The following AGT variants were observed in gnomAD, a reference collection of about 807,000 sequenced individuals.
AGT encodes the protein angiotensinogen, also known as alpha-1 antiproteinase, antitrypsin.
Under a neutral mutation model 28.1 loss-of-function variants are expected in AGT, and 26 were observed. The ratio of observed to expected loss-of-function variants is 0.92; its 90% CI spans 0.68 to 1.28. The LOEUF (loss-of-function observed/expected upper bound fraction) is 1.28. Ranked by LOEUF, AGT falls within the 50% of genes most tolerant of loss-of-function variation. The pLI is 0.00. For synonymous variants in AGT, 259 were observed against 259.6 expected (o/e 1.00, Z 0.02); for missense variants, 596 against 592.3 (o/e 1.01, Z -0.06).
intron 1 of AGT, among the ~76,000 whole-genome samples, chr1:230,723,044 G>A (rs1470064838): frequency 6.6e-6 from 1 of 152,206 alleles, no homozygotes; most frequent in Non-Finnish European, 1.5e-5. Context: ...CATGTGTCAA[G>A]AGAGGGAGGT....
In AGT at chr1:230,710,262, C is replaced by T. The variant is rs1663538812; in HGVS notation, c.562G>A (p.Ala188Thr). The change falls in exon 2 of 5, where the codon GCT becomes ACT. Residue 188 changes from alanine to threonine, a missense_variant. Ala to Thr is a moderately conservative substitution (Grantham distance 58). Transcript: ENST00000366667. ...VQGLLVAQGRADSQAQLLLST... is the reference protein window; with the variant it reads ...VQGLLVAQGRTDSQAQLLLST... ...AGCAGCAGCTGGGCCTGGCTATCAG[C>T]CCTGCCCTGGGCCACTAGCAGGCCC... The T allele has an allele frequency of 6.2e-7, 1 of 1,613,782 alleles. No homozygotes were observed. Among genetic ancestry groups the T allele is most frequent in the Non-Finnish European group, 8.5e-7 (1 of 1,180,012 alleles).
In AGT at chr1:230,706,022, G is replaced by A. The variant is rs748998364; in HGVS notation, c.1008C>T (p.Ile336=). 1 of 1,614,182 alleles carries A rather than the reference G, an allele frequency of 6.2e-7. No individual in the cohort carries two copies. Among genetic ancestry groups the A allele is most frequent in the Non-Finnish European group, 8.5e-7 (1 of 1,180,024 alleles). ...PFTESACLLL[I]QPHYASDLDK... ...CCAGGTCAGAGGCATAGTGAGGCTG[G>A]ATCAGCAGCAGGCAGGCGCTCTCAG... Residue 336 remains isoleucine (I), a synonymous_variant, in exon 3 of 5, where the codon ATC becomes ATT. Transcript: ENST00000366667.
chr1:230,709,997 T>A lies in AGT; in HGVS notation c.827A>T (p.Gln276Leu). The A allele has an allele frequency of 1.2e-6, 2 of 1,614,152 alleles. No homozygotes were observed. Among genetic ancestry groups the A allele is most frequent in the Non-Finnish European group, 1.7e-6 (2 of 1,180,018 alleles). ...TLAFNTYVHF[Q>L]GKMKGFSLLA... ...GCCAGCAGAGAGGTTTGCCTTACCTTGGAAGTGGACGTAGGTGTTGAAAGC... is the reference window on the plus strand; with the variant it reads ...GCCAGCAGAGAGGTTTGCCTTACCTAGGAAGTGGACGTAGGTGTTGAAAGC... Residue 276 changes from glutamine to leucine, a missense_variant and splice_region_variant, in exon 2 of 5, where the codon CAA becomes CTA. Physicochemically the swap from Gln to Leu is moderately radical, Grantham distance 113. Coordinates refer to ENST00000366667, the MANE Select transcript of AGT (RefSeq NM_001384479.1).
intron 1 of AGT, among the ~76,000 whole-genome samples, chr1:230,731,593 C>T (rs6680826): frequency 0.15 from 23,054 of 152,180 alleles, 2,331 homozygotes; most frequent in East Asian, 0.49. Context: ...TGGCCAGACA[C>T]GATGGCTCAC....
chr1:230,744,872 T>G (rs1005236666), intron 1 of AGT, among the ~76,000 whole-genome samples: 44 of 152,170 alleles, frequency 2.9e-4, no homozygotes, highest in African/African-American at 1.1e-3. Context: ...TCTCAGTTGC[T>G]GGGGCATTTG....
At chr1:230,727,900 A>G (rs1240898256) in intron 1 of AGT, among the ~76,000 whole-genome samples, 1 of 152,216 alleles carries the variant, frequency 6.6e-6, no homozygotes, top group African/African-American at 2.4e-5. Flanking sequence ...GGGGAGTTGC[A>G]ATAGAGAAAG....
intron 1 of AGT, among the ~76,000 whole-genome samples, chr1:230,723,008 C>T (rs1213594444): frequency 6.6e-6 from 1 of 151,904 alleles, no homozygotes; most frequent in Non-Finnish European, 1.5e-5. Flanking sequence ...TAATCCCCAC[C>T]TGTCAAGGGA....
rs1050506065 is a variant in AGT at position 230,702,922 on chromosome 1, T to A, written c.*219A>T. The A allele has an allele frequency of 1.7e-6, 1 of 585,310 alleles. No homozygotes were observed. Among genetic ancestry groups the A allele is most frequent in the African/African-American group, 1.9e-5 (1 of 53,576 alleles). The allele number at this position is 585,310 out of a possible 1,614,324, so 36.3% of individuals were successfully genotyped here. A position where few individuals can be genotyped will look rare whatever the true frequency, so the allele number is the denominator to read the frequency against. ...TAAACCCAGCAAACTGGGAGGTGCA[T>A]TTGTGCCGCTGCAGGCTTCTACTGC... On this transcript the variant is annotated 3_prime_UTR_variant, in exon 5 of 5. Transcript: ENST00000366667.
Position 230,711,764 on chromosome 1 carries a change from C to T in AGT, c.-30-911G>A, listed in dbSNP as rs186557637. Among the ~76,000 whole-genome samples, 503 of 151,440 alleles carry T rather than the reference C, an allele frequency of 3.3e-3. 2 individuals carry two copies. The highest frequency in any genetic ancestry group is 5.2e-3 in the Non-Finnish European group (356 of 67,936). On this transcript the variant is annotated intron_variant, in intron 1 of 4. Transcript: ENST00000366667. ...GAGCCCCAAAGGCATGCATACCTAG[C>T]ATGGCTTGCCCAATGATAGTTGGAT...
chr1:230,715,076 G>A (rs193138535), upstream of AGT, among the ~76,000 whole-genome samples: 11 of 152,154 alleles, frequency 7.2e-5, no homozygotes, highest in East Asian at 1.2e-3. Flanking sequence ...AAGGAGCCAC[G>A]GCATATCCAC....
At position 230,706,317 on chromosome 1, in the gene AGT, T is replaced by G. The variant is rs578046407; in HGVS notation, c.830-117A>C. ...CCTCGCCCTGCCTCAGCCTCCTTCC[T>G]TGGCCCCCCCCAGGCCACTCTGCAT... On this transcript the variant is annotated intron_variant, in intron 2 of 4. Transcript: ENST00000366667. The G allele has an allele frequency of 5.3e-5, 64 of 1,213,550 alleles. 1 individual carries two copies. In the South Asian group the frequency reaches 8.5e-4, roughly 16 times the overall value. 75.2% of individuals were successfully genotyped at this position (1,213,550 alleles called of 1,614,324 possible). A position where few individuals can be genotyped will look rare whatever the true frequency, so the allele number is the denominator to read the frequency against.
chr1:230,716,192 T>C (rs555750771), upstream of AGT, among the ~76,000 whole-genome samples: 14 of 152,332 alleles, frequency 9.2e-5, no homozygotes, highest in South Asian at 2.9e-3. Flanking sequence ...CTCATTAAAA[T>C]CAATCAGAAA....
rs142379057 is a variant in AGT, at chr1:230,703,402, C to T, written c.1243-73G>A. On this transcript the variant is annotated intron_variant, in intron 4 of 4. Transcript: ENST00000366667. ...CCCAGGGTGCTGAGGGCTAGAGGGC[C>T]GGGGTGGGCTCAGGACCTCTGTGCT... 2.4e-4 allele frequency: 366 copies of T among 1,539,210 alleles called. No homozygotes were observed. In the African/African-American group the frequency reaches 3.9e-3, roughly 16 times the overall value.
At chr1:230,707,147 A>G (rs912694447) in intron 2 of AGT, among the ~76,000 whole-genome samples, 2 of 152,240 alleles carry the variant, frequency 1.3e-5, no homozygotes, top group African/African-American at 4.8e-5. Flanking sequence ...TGCAGATGAC[A>G]GAGAACTCGG....
In AGT at chr1:230,729,943, C is replaced by T. The variant is rs143500212; in HGVS notation, c.-31+15572G>A. 8.6e-4 allele frequency among the ~76,000 whole-genome samples: 130 copies of T among 151,996 alleles called. 2 individuals carry two copies. In the East Asian group the frequency reaches 0.024, roughly 28 times the overall value. ...TTGGGAGGCCGAGGCAGGTGGATCA[C>T]GAGGTCAGGAGATCGAAACCATCCT... On this transcript the variant is annotated intron_variant, in intron 1 of 4. Transcript: ENST00000681269.
intron 1 of AGT, among the ~76,000 whole-genome samples, chr1:230,734,064 G>A (rs142965569): frequency 6.6e-6 from 1 of 152,220 alleles, no homozygotes; most frequent in Non-Finnish European, 1.5e-5. Context: ...CCTTTAACAA[G>A]TGCGGGTCCC....
chr1:230,707,256 A>G (rs147822863), intron 2 of AGT, among the ~76,000 whole-genome samples: 103 of 152,344 alleles, frequency 6.8e-4, no homozygotes, highest in South Asian at 1.7e-3. Context: ...ACCTTACACT[A>G]GCACATCCCT....
At chr1:230,738,387 AC>A (rs1377168106) in intron 1 of AGT, among the ~76,000 whole-genome samples, 1 of 152,216 alleles carries the variant, frequency 6.6e-6, no homozygotes, top group Non-Finnish European at 1.5e-5. Flanking sequence ...TGAACTTCAT[AC>A]CATGGTAGTC....
upstream of AGT, among the ~76,000 whole-genome samples, chr1:230,717,275 G>A (rs987896865): frequency 1.3e-5 from 2 of 151,980 alleles, no homozygotes; most frequent in Admixed American, 1.3e-4. Flanking sequence ...CAGGGATGAT[G>A]ACGTTTGGGA....
Sources: gnomAD v4.1 joint callset for allele counts (sites outside exome capture counted in the v4.1 genomes callset) on GRCh38, gnomAD v4.1.1 for gene constraint, MANE v1.5 for transcripts, NCBI Gene and HGNC (gene_info 2026-07-23, HGNC 2026-07-21) for gene names.